NPHP4: variants seen among roughly 807,000 people sequenced by gnomAD.
NPHP4 encodes the protein nephrocystin-4.
NPHP4 carries 151 observed loss-of-function variants against 155.8 expected under a neutral mutation model. The ratio of observed to expected loss-of-function variants is 0.97; its 90% CI spans 0.85 to 1.11. The LOEUF is 1.11. Ranked by LOEUF, NPHP4 falls within the 50% of genes least tolerant of loss-of-function variation. NPHP4 has a pLI of 0.00. For missense variants in NPHP4, 1,956 were observed against 1,925.7 expected, an observed-to-expected ratio of 1.02 and a Z score of -0.29; for synonymous variants, 845 against 816.8, an observed-to-expected ratio of 1.03 and a Z score of -0.59.
At position 5,947,229 on chromosome 1, in the gene NPHP4, A is replaced by G; in HGVS notation, c.994T>C (p.Ser332Pro). 1 of 1,613,614 alleles carries G rather than the reference A, an allele frequency of 6.2e-7. No homozygotes were observed. Among genetic ancestry groups the G allele is most frequent in the Non-Finnish European group, 8.5e-7 (1 of 1,179,748 alleles). ...CTCAAAACCAGAGCTTGGCTCCCGGAGCTGGGTCAGAAACACAAACCAGGG... is the reference window on the plus strand; with the variant it reads ...CTCAAAACCAGAGCTTGGCTCCCGGGGCTGGGTCAGAAACACAAACCAGGG... ...RKVVSSSKTSSGSQALVLRSR... is the reference protein window; with the variant it reads ...RKVVSSSKTSPGSQALVLRSR... Residue 332 changes from serine to proline, a missense_variant and splice_region_variant, in exon 9 of 30, where the codon TCC (serine) becomes CCC (proline). Transcript: ENST00000378156.
At chr1:5,977,475 C>G in intron 3 of NPHP4, among the ~76,000 whole-genome samples, 1 of 152,220 alleles carries the variant, frequency 6.6e-6, no homozygotes, top group East Asian at 1.9e-4. Flanking sequence ...TTGGTCTCCA[C>G]GTTCTCCTAT....
intron 10 of NPHP4, among the ~76,000 whole-genome samples, chr1:5,928,914 G>A (rs1160402699): frequency 6.6e-6 from 1 of 152,138 alleles, no homozygotes; most frequent in Non-Finnish European, 1.5e-5. Context: ...ACATAAACAT[G>A]TTACGTCTCT....
At chr1:5,951,882 C>CCT (rs1338912561) in intron 7 of NPHP4, among the ~76,000 whole-genome samples, 5 of 152,230 alleles carry the variant, frequency 3.3e-5, no homozygotes, top group African/African-American at 1.2e-4. Context: ...GCTCGCAAGC[C>CCT]AGAGCATCGC....
chr1:5,923,902 A>T (rs1645868861), intron 11 of NPHP4, among the ~76,000 whole-genome samples: 1 of 152,228 alleles, frequency 6.6e-6, no homozygotes, highest in Non-Finnish European at 1.5e-5. Flanking sequence ...TCAGGACAAA[A>T]ATCTATCAAT....
At chr1:5,895,839 T>C (rs1176805893) in intron 16 of NPHP4, among the ~76,000 whole-genome samples, 2 of 152,206 alleles carry the variant, frequency 1.3e-5, no homozygotes, top group Non-Finnish European at 2.9e-5. Context: ...CCACAGAGCA[T>C]GATGCGGCTA....
chr1:5,933,511 A>T (rs546348962), intron 9 of NPHP4, among the ~76,000 whole-genome samples, 182 bp from the exon 10 acceptor site: 1 of 152,350 alleles, frequency 6.6e-6, no homozygotes, highest in East Asian at 1.9e-4. Flanking sequence ...TCCACAGTGC[A>T]GACAGTAGGG....
intron 6 of NPHP4, among the ~76,000 whole-genome samples, chr1:5,957,898 G>C (rs1239277318): frequency 6.6e-6 from 1 of 152,180 alleles, no homozygotes; most frequent in Non-Finnish European, 1.5e-5. Context: ...TTAGATTTGA[G>C]GTCTGCCCTT....
chr1:5,970,094 G>A (rs1652295516), intron 3 of NPHP4, among the ~76,000 whole-genome samples: 1 of 152,150 alleles, frequency 6.6e-6, no homozygotes, highest in Non-Finnish European at 1.5e-5. Context: ...AGACAGCACA[G>A]GAGACTCAAA....
At chr1:5,864,292 T>C in intron 28 of NPHP4, 46 bp downstream of exon 28, 1 of 1,526,010 alleles carries the variant, frequency 6.6e-7, no homozygotes. Flanking sequence ...AGTGCCCTGG[T>C]ATTGAGCCCC....
At chr1:5,918,614 T>C (rs1051566676) in intron 11 of NPHP4, among the ~76,000 whole-genome samples, 4 of 152,066 alleles carry the variant, frequency 2.6e-5, no homozygotes, top group Admixed American at 1.3e-4. Context: ...TATACAAACC[T>C]CTCATAAGCC....
chr1:5,865,618 A>C, intron 26 of NPHP4: 49 of 213,364 alleles, frequency 2.3e-4, no homozygotes, highest in Non-Finnish European at 3.0e-4. Context: ...TCCACCCCCA[A>C]TAGGGGTTCT....
At chr1:5,911,349 C>T (rs1645169871) in intron 11 of NPHP4, among the ~76,000 whole-genome samples, 1 of 152,200 alleles carries the variant, frequency 6.6e-6, no homozygotes, top group Non-Finnish European at 1.5e-5. Flanking sequence ...TAAATGGGAA[C>T]TCGGAAAACT....
intron 11 of NPHP4, among the ~76,000 whole-genome samples, chr1:5,909,722 C>T (rs12069768): frequency 0.067 from 10,185 of 152,216 alleles, 504 homozygotes; most frequent in East Asian, 0.21. Context: ...CATGCAGGCC[C>T]GGTAACACTG....
intron 11 of NPHP4, among the ~76,000 whole-genome samples, chr1:5,927,034 C>G (rs950043039): frequency 1.4e-4 from 21 of 152,222 alleles, no homozygotes; most frequent in African/African-American, 4.8e-4. Context: ...AATTCTCAAC[C>G]AGGACATGGG....
intron 10 of NPHP4, among the ~76,000 whole-genome samples, chr1:5,928,428 G>C (rs535316399): frequency 6.6e-6 from 1 of 152,274 alleles, no homozygotes; most frequent in South Asian, 2.1e-4. Context: ...ATATTCTATT[G>C]TACGGATGTA....
intron 2 of NPHP4, among the ~76,000 whole-genome samples, chr1:5,983,014 A>G (rs887101682): frequency 6.6e-6 from 1 of 152,176 alleles, no homozygotes; most frequent in Non-Finnish European, 1.5e-5. Flanking sequence ...GGTGTTTAAG[A>G]GATGACAGGG....
At chr1:5,987,691 T>C (rs1655691441) in intron 1 of NPHP4, among the ~76,000 whole-genome samples, 1 of 152,222 alleles carries the variant, frequency 6.6e-6, no homozygotes, top group South Asian at 2.1e-4. Context: ...AACAAGCATT[T>C]CTGCTGCAAA....
intron 2 of NPHP4, among the ~76,000 whole-genome samples, chr1:5,983,740 G>C (rs1655060397): frequency 1.3e-5 from 2 of 152,206 alleles, no homozygotes. Flanking sequence ...CACATTTAGA[G>C]ATTGTTACGT....
chr1:5,872,821 G>C (rs896171604), intron 23 of NPHP4, among the ~76,000 whole-genome samples: 1 of 152,236 alleles, frequency 6.6e-6, no homozygotes. Context: ...GCCAGCTGTT[G>C]AGAAGCAGGT....
Sources: allele counts gnomAD v4.1 joint callset (sites outside exome capture counted in the v4.1 genomes callset), GRCh38; gene constraint gnomAD v4.1.1; transcripts MANE v1.5; gene names NCBI Gene and HGNC (gene_info 2026-07-23, HGNC 2026-07-21).